The following GBA1 variants were observed in gnomAD, a reference collection of about 807,000 sequenced individuals.
The protein encoded by GBA1 is glucosylceramidase beta 1, also known as lysosomal acid glucosylceramidase.
the GBA1 span, chr1:155,237,234 C>T: frequency 1.9e-6 from 3 of 1,577,836 alleles, no homozygotes; most frequent in South Asian, 1.1e-5. Flanking sequence ...GGGAATGGTG[C>T]TCTAGGAATC....
chr1:155,240,065 C>T, the GBA1 span: 1 of 1,613,634 alleles, frequency 6.2e-7, no homozygotes, highest in East Asian at 2.2e-5. Flanking sequence ...TTTAGGGATG[C>T]AGGGGCGGGC....
chr1:155,238,806 C>T, the GBA1 span: 46 of 896,790 alleles, frequency 5.1e-5, no homozygotes, highest in Middle Eastern at 6.8e-4. Flanking sequence ...CTGGGTGAAG[C>T]GCAGGCCTTT....
the GBA1 span, chr1:155,237,607 G>A: frequency 7.4e-5 from 120 of 1,611,958 alleles, no homozygotes; most frequent in African/African-American, 9.8e-4. Flanking sequence ...TGAATGATCC[G>A]GCCAAGAAAG....
At chr1:155,242,499 G>A in the GBA1 span, among the ~76,000 whole-genome samples, 1 of 151,868 alleles carries the variant, frequency 6.6e-6, no homozygotes, top group African/African-American at 2.4e-5. Flanking sequence ...TGGGATTACA[G>A]GCATGAGCCA....
chr1:155,239,991 G>A, the GBA1 span: 1 of 1,614,130 alleles, frequency 6.2e-7, no homozygotes, highest in Non-Finnish European at 8.5e-7. Flanking sequence ...GGAAAGGTCG[G>A]GGGGTCAAAG....
the GBA1 span, chr1:155,238,141 A>T: frequency 2.0e-5 from 33 of 1,614,028 alleles, no homozygotes; most frequent in East Asian, 2.4e-4. Context: ...TACTTCACAA[A>T]GTATCTGGCC....
At chr1:155,240,389 G>A in the GBA1 span, 1 of 607,114 alleles carries the variant, frequency 1.6e-6, no homozygotes, top group South Asian at 2.0e-5. Context: ...GCTTGAATCT[G>A]GGAGGCAGAG....
the GBA1 span, chr1:155,239,758 C>G: frequency 6.2e-7 from 1 of 1,614,096 alleles, no homozygotes; most frequent in South Asian, 1.1e-5. Flanking sequence ...GGGTCAGTAG[C>G]AGGCCTGAGG....
chr1:155,242,957 T>G, the GBA1 span, among the ~76,000 whole-genome samples: 8 of 152,234 alleles, frequency 5.3e-5, no homozygotes. Context: ...CACCATTTAC[T>G]GGCTGTTTGA....
the GBA1 span, chr1:155,235,926 G>A: frequency 2.4e-5 from 37 of 1,553,808 alleles, no homozygotes; most frequent in Non-Finnish European, 3.6e-6. Flanking sequence ...ACATGTGGGA[G>A]AGGCAGCTGT....
the GBA1 span, chr1:155,240,158 C>A: frequency 7.3e-7 from 1 of 1,377,820 alleles, no homozygotes; most frequent in African/African-American, 1.4e-5. Flanking sequence ...AGACTGAACA[C>A]GGTTTCAAAA....
chr1:155,238,581 G>A, the GBA1 span: 1 of 1,613,614 alleles, frequency 6.2e-7, no homozygotes, highest in Non-Finnish European at 8.5e-7. Context: ...AGGGGTGTCT[G>A]CATAGGTGTA....
chr1:155,243,990 A>G, the GBA1 span: 1 of 152,246 alleles, frequency 6.6e-6, no homozygotes, highest in South Asian at 2.1e-4. Context: ...AGAACGTATG[A>G]ATTACATAAC....
chr1:155,236,100 G>A, the GBA1 span: 1 of 817,800 alleles, frequency 1.2e-6, no homozygotes, highest in Non-Finnish European at 2.1e-6. Context: ...GGAAAGGGAA[G>A]ATAGGGAATC....
chr1:155,236,491 T>C, the GBA1 span: 2 of 1,579,024 alleles, frequency 1.3e-6, no homozygotes, highest in Non-Finnish European at 1.7e-6. Context: ...GAGCAACTGA[T>C]CCTGGACCTT....
the GBA1 span, chr1:155,238,199 C>G: frequency 6.2e-7 from 1 of 1,614,176 alleles, no homozygotes; most frequent in Non-Finnish European, 8.5e-7. Context: ...GTGACCCCTT[C>G]CCATTCACCG....
chr1:155,238,631 G>A, the GBA1 span: 1,025 of 1,613,718 alleles, frequency 6.4e-4, 2 homozygotes, highest in Non-Finnish European at 7.6e-4. Flanking sequence ...TGGGTACCCG[G>A]ATGATGTTAT....
chr1:155,239,238 G>C, the GBA1 span, among the ~76,000 whole-genome samples: 3 of 150,552 alleles, frequency 2.0e-5, no homozygotes, highest in African/African-American at 7.3e-5. Context: ...AAAGAAAAAA[G>C]AAAAGTGTCT....
chr1:155,239,566 A>G, the GBA1 span: 1 of 1,609,716 alleles, frequency 6.2e-7, no homozygotes, highest in Non-Finnish European at 8.5e-7. Context: ...AAGAAAAGAA[A>G]AACGAAAAGT....
Sources: gnomAD v4.1 joint callset for allele counts (sites outside exome capture counted in the v4.1 genomes callset) on GRCh38, gnomAD v4.1.1 for gene constraint, MANE v1.5 for transcripts, NCBI Gene and HGNC (gene_info 2026-07-23, HGNC 2026-07-21) for gene names.